DGKD: variants seen among roughly 807,000 people sequenced by gnomAD.
The protein encoded by DGKD is DAG kinase delta.
DGKD carries 68 observed loss-of-function variants against 154.4 expected under a neutral mutation model. That is an observed-to-expected ratio of 0.44 (90% CI 0.36 to 0.54). The LOEUF is 0.54. Ranked by LOEUF, DGKD falls within the 20% of genes least tolerant of loss-of-function variation. The pLI is 0.00. For synonymous variants in DGKD, 693 were observed against 638.0 expected (o/e 1.09, Z -1.30); for missense variants, 1,343 against 1,593.6 (o/e 0.84, Z 2.68).
intron 1 of DGKD, among the ~76,000 whole-genome samples, chr2:233,361,254 T>C (rs1448384799): frequency 6.6e-6 from 1 of 152,212 alleles, no homozygotes; most frequent in Non-Finnish European, 1.5e-5. Flanking sequence ...CCAGAAGTAT[T>C]GGAAGGACTG....
At chr2:233,450,891 A>G (rs1356327776) in intron 16 of DGKD, 31 bp from the exon 17 acceptor site, 1 of 1,582,154 alleles carries the variant, frequency 6.3e-7, no homozygotes, top group Admixed American at 1.7e-5. Context: ...TATTCCACAC[A>G]GCTGTAAGGT....
chr2:233,373,814 T>G (rs1211877266), intron 1 of DGKD, among the ~76,000 whole-genome samples: 2 of 140,420 alleles, frequency 1.4e-5, no homozygotes, highest in Non-Finnish European at 3.0e-5. Context: ...AACTGTTTGA[T>G]GCGTGCAATG....
chr2:233,444,203 ACAT>A (rs1462900343), intron 10 of DGKD, among the ~76,000 whole-genome samples: 1 of 151,768 alleles, frequency 6.6e-6, no homozygotes, highest in East Asian at 1.9e-4. Flanking sequence ...GAGTCTGAAA[ACAT>A]CATCCATCTA....
chr2:233,382,988 T>C (rs1702977351), intron 1 of DGKD, among the ~76,000 whole-genome samples: 2 of 152,024 alleles, frequency 1.3e-5, no homozygotes, highest in Non-Finnish European at 2.9e-5. Context: ...ATTTTCTCTT[T>C]GGTGGTTTTT....
intron 3 of DGKD, among the ~76,000 whole-genome samples, chr2:233,391,910 C>G (rs1441529328): frequency 6.6e-6 from 1 of 152,122 alleles, no homozygotes; most frequent in African/African-American, 2.4e-5. Context: ...TTTTTACCAG[C>G]TGGGAAGAGA....
intron 1 of DGKD, among the ~76,000 whole-genome samples, chr2:233,369,124 A>T (rs1050057174): frequency 6.6e-6 from 1 of 152,070 alleles, no homozygotes; most frequent in East Asian, 1.9e-4. Context: ...TGCCTCTCAT[A>T]TTGCATCTCC....
intron 19 of DGKD, 28 bp downstream of exon 19, chr2:233,454,901 G>A (rs1343024424): frequency 1.4e-6 from 2 of 1,394,678 alleles, no homozygotes; most frequent in East Asian, 2.3e-5. Context: ...GAGCACGTCT[G>A]TCTTTTGCGT....
At chr2:233,407,434 A>T (rs895193496) in intron 3 of DGKD, among the ~76,000 whole-genome samples, 1 of 152,234 alleles carries the variant, frequency 6.6e-6, no homozygotes, top group Non-Finnish European at 1.5e-5. Flanking sequence ...GTAGCTAAAT[A>T]AAAAGGAAGC....
chr2:233,449,732 C>G lies in DGKD; in HGVS notation c.1889-250C>G, dbSNP rs1439679952. On this transcript the variant is annotated intron_variant, in intron 15 of 29. Transcript: ENST00000264057. This position sits in a 1 kb window ranked among gnomAD's most constrained non-coding sequence, Gnocchi z 5.3. ...TTGCAGCCCTCCAGCCTGCGCCAGG[C>G]TCCTCTGCATCCCTTGCCTTCCCCT... 2.0e-5 allele frequency among the ~76,000 whole-genome samples: 3 copies of G among 152,184 alleles called. No homozygotes were observed. The highest frequency in any genetic ancestry group is 2.9e-5 in the Non-Finnish European group (2 of 68,030).
At chr2:233,422,991 G>A (rs1246019334) in intron 3 of DGKD, among the ~76,000 whole-genome samples, 2 of 152,188 alleles carry the variant, frequency 1.3e-5, no homozygotes, top group Admixed American at 1.3e-4. Flanking sequence ...TTTTCAAGAT[G>A]TGATATAAAT....
chr2:233,389,253 T>C (rs930724003), intron 2 of DGKD, among the ~76,000 whole-genome samples: 1 of 152,220 alleles, frequency 6.6e-6, no homozygotes, highest in African/African-American at 2.4e-5. Flanking sequence ...CTTGTTTCTG[T>C]GTGCCCTATT....
intron 1 of DGKD, among the ~76,000 whole-genome samples, chr2:233,378,730 T>C (rs1414052389): frequency 2.0e-5 from 3 of 152,262 alleles, no homozygotes; most frequent in African/African-American, 7.2e-5. Flanking sequence ...TCTCAATTTT[T>C]ATAATTTCTT....
rs200103294 is a variant in DGKD at position 233,370,332 on chromosome 2, G to GC, written c.156+15665dup. On this transcript the variant is annotated intron_variant, in intron 1 of 29. Transcript: ENST00000264057. ...AGGTTCAAGCGATCCTCTCACCTCA[G>GC]CCCCCCCAGTAGCTGGCATTACAGG... Among the ~76,000 whole-genome samples, 1,508 of 152,110 alleles carry GC rather than the reference G, an allele frequency of 9.9e-3. 26 individuals carry two copies. The highest frequency in any genetic ancestry group is 0.014 in the Middle Eastern group (4 of 292).
At chr2:233,417,077 G>A (rs955106780) in intron 3 of DGKD, among the ~76,000 whole-genome samples, 2 of 152,230 alleles carry the variant, frequency 1.3e-5, no homozygotes, top group East Asian at 3.9e-4. Context: ...CTGTCATCCA[G>A]GCTGGAGTGC....
At chr2:233,456,571 C>T (rs2063467657) in intron 19 of DGKD, among the ~76,000 whole-genome samples, 2 of 152,060 alleles carry the variant, frequency 1.3e-5, no homozygotes, top group African/African-American at 4.8e-5. Flanking sequence ...CTATGGTAAG[C>T]ATAATTTTTT....
chr2:233,451,105 C>A, intron 17 of DGKD, 55 bp downstream of exon 17: 1 of 1,561,966 alleles, frequency 6.4e-7, no homozygotes, highest in South Asian at 1.2e-5. Context: ...ACACTGGTCC[C>A]GTCAAACTGA....
At chr2:233,429,670 C>T (rs571652109) in intron 3 of DGKD, among the ~76,000 whole-genome samples, 3 of 152,226 alleles carry the variant, frequency 2.0e-5, no homozygotes, top group South Asian at 4.1e-4. Flanking sequence ...TCTGCTGAGC[C>T]GGGGGGTGTC....
At chr2:233,407,120 G>A (rs1469465812) in intron 3 of DGKD, among the ~76,000 whole-genome samples, 4 of 152,138 alleles carry the variant, frequency 2.6e-5, no homozygotes, top group Non-Finnish European at 4.4e-5. Context: ...TCATTGGATT[G>A]GCACAGAAGT....
At position 233,449,609 on chromosome 2, in the gene DGKD, C is replaced by T. The variant is rs1422089543; in HGVS notation, c.1888+233C>T. Reference sequence around the variant, plus strand: ...CCTCCCCTCGACCTCTTTCCTGGCCCTCATTGACTTCACTATAAGCGTCTC... The same window carrying T: ...CCTCCCCTCGACCTCTTTCCTGGCCTTCATTGACTTCACTATAAGCGTCTC... On this transcript the variant is annotated intron_variant, in intron 15 of 29. Coordinates refer to ENST00000264057, the MANE Select transcript of DGKD (RefSeq NM_152879.3). This position sits in a 1 kb window ranked among gnomAD's most constrained non-coding sequence, Gnocchi z 5.3. Among the ~76,000 whole-genome samples, 1 of 152,160 alleles carries T rather than the reference C, an allele frequency of 6.6e-6. No individual in the cohort carries two copies. The highest frequency in any genetic ancestry group is 2.4e-5 in the African/African-American group (1 of 41,442).
Sources: allele counts gnomAD v4.1 joint callset (sites outside exome capture counted in the v4.1 genomes callset), GRCh38; gene constraint gnomAD v4.1.1; non-coding constraint Gnocchi (gnomAD v3.1); transcripts MANE v1.5; gene names NCBI Gene and HGNC (gene_info 2026-07-23, HGNC 2026-07-21).